The following NRG1 variants were observed in gnomAD, a reference collection of about 807,000 sequenced individuals.
NRG1 encodes neuregulin 1, also known as pro-neuregulin-1, membrane-bound isoform.
NRG1 carries 18 observed loss-of-function variants against 63.8 expected under a neutral mutation model. The ratio of observed to expected loss-of-function variants is 0.28; its 90% CI spans 0.19 to 0.42. The LOEUF (loss-of-function observed/expected upper bound fraction) is 0.42. Ranked by LOEUF, NRG1 falls within the 10% of genes least tolerant of loss-of-function variation. The pLI, the probability that NRG1 is intolerant of heterozygous loss-of-function variation, is 1.00. For synonymous variants in NRG1, 302 were observed against 301.3 expected (o/e 1.00, Z -0.02); for missense variants, 762 against 814.7 (o/e 0.94, Z 0.79).
intron 1 of NRG1, among the ~76,000 whole-genome samples, chr8:32,574,407 G>T (rs928026859): frequency 6.6e-6 from 1 of 152,090 alleles, no homozygotes; most frequent in Admixed American, 6.5e-5. Flanking sequence ...TCAGATCACT[G>T]TGTGGTATAG....
At chr8:32,598,389 T>C (rs538406999) in intron 2 of NRG1, among the ~76,000 whole-genome samples, 1 of 152,148 alleles carries the variant, frequency 6.6e-6, no homozygotes, top group South Asian at 2.1e-4. Context: ...GTGAACTGAC[T>C]AGAATGAATA....
At chr8:31,926,146 G>A (rs1415468816) in intron 1 of NRG1, among the ~76,000 whole-genome samples, 2 of 152,134 alleles carry the variant, frequency 1.3e-5, no homozygotes, top group Non-Finnish European at 2.9e-5. Flanking sequence ...GACGATTCAA[G>A]GTTTTATTCC....
At chr8:31,985,254 C>T (rs1809858428) in intron 1 of NRG1, among the ~76,000 whole-genome samples, 1 of 151,948 alleles carries the variant, frequency 6.6e-6, no homozygotes, top group Non-Finnish European at 1.5e-5. Context: ...GATTCTAGAC[C>T]AAGCACTTAA....
At chr8:32,203,365 C>G (rs1310796318) in intron 1 of NRG1, among the ~76,000 whole-genome samples, 7 of 151,318 alleles carry the variant, frequency 4.6e-5, no homozygotes, top group Non-Finnish European at 8.8e-5. Flanking sequence ...TTCTTTAGTT[C>G]TTATTTCATT....
intron 1 of NRG1, among the ~76,000 whole-genome samples, chr8:32,078,082 A>C (rs1258275545): frequency 6.6e-6 from 1 of 152,194 alleles, no homozygotes; most frequent in African/African-American, 2.4e-5. Context: ...AAACAACTTC[A>C]CATCCTCCTA....
At chr8:32,394,285 G>A (rs983092467) in intron 1 of NRG1, among the ~76,000 whole-genome samples, 16 of 152,122 alleles carry the variant, frequency 1.1e-4, no homozygotes, top group African/African-American at 3.4e-4. Context: ...TTATAAATCA[G>A]GAGAGACAAT....
intron 1 of NRG1, among the ~76,000 whole-genome samples, chr8:31,790,741 G>T (rs1307769406): frequency 6.6e-6 from 1 of 152,184 alleles, no homozygotes; most frequent in African/African-American, 2.4e-5. Context: ...CAAATATCTA[G>T]GGCTGGGCTA....
At chr8:32,692,827 T>C (rs1812156757) in intron 5 of NRG1, among the ~76,000 whole-genome samples, 2 of 152,138 alleles carry the variant, frequency 1.3e-5, no homozygotes, top group Admixed American at 1.3e-4. Flanking sequence ...ACACCCTCTT[T>C]CTCTACCTTC....
At chr8:31,889,463 A>G (rs1672703637) in intron 1 of NRG1, among the ~76,000 whole-genome samples, 1 of 152,190 alleles carries the variant, frequency 6.6e-6, no homozygotes, top group South Asian at 2.1e-4. Flanking sequence ...TACATTTCTG[A>G]ATATACTGAG....
intron 1 of NRG1, among the ~76,000 whole-genome samples, chr8:32,144,749 A>G (rs1585630659): frequency 1.3e-5 from 2 of 152,164 alleles, no homozygotes; most frequent in African/African-American, 4.8e-5. Context: ...AGTTCATTAC[A>G]CTTAAAATAG....
At chr8:32,738,714 G>A (rs1408075923) in intron 6 of NRG1, among the ~76,000 whole-genome samples, 1 of 152,156 alleles carries the variant, frequency 6.6e-6, no homozygotes, top group Non-Finnish European at 1.5e-5. Context: ...TAGATCAACT[G>A]GGTTTTCATT....
chr8:32,666,628 G>A (rs1441421902), intron 5 of NRG1, among the ~76,000 whole-genome samples: 6 of 152,126 alleles, frequency 3.9e-5, no homozygotes, highest in South Asian at 2.1e-4. Context: ...TTGATTCATC[G>A]TGGTAAAATA....
At chr8:32,377,689 T>C (rs1231297668) in intron 1 of NRG1, among the ~76,000 whole-genome samples, 1 of 152,212 alleles carries the variant, frequency 6.6e-6, no homozygotes, top group Non-Finnish European at 1.5e-5. Flanking sequence ...TTTTAAAGTG[T>C]TTATTTTCTT....
chr8:32,619,638 A>T (rs1847985804), intron 5 of NRG1, among the ~76,000 whole-genome samples: 2 of 152,192 alleles, frequency 1.3e-5, no homozygotes, highest in Admixed American at 1.3e-4. Flanking sequence ...TCCCTAACCA[A>T]TTCATTGTGA....
intron 1 of NRG1, among the ~76,000 whole-genome samples, chr8:32,259,264 A>G (rs537315306): frequency 6.6e-6 from 1 of 152,308 alleles, no homozygotes; most frequent in Non-Finnish European, 1.5e-5. Flanking sequence ...GTATTAGGAG[A>G]TGGGGCCTTT....
rs772149597 is a variant in NRG1 at position 32,759,289 on chromosome 8, T to C, written c.922-17T>C. On this transcript the variant is annotated splice_polypyrimidine_tract_variant and intron_variant, in intron 9 of 11. Transcript: ENST00000356819. ...AATCTACGTGAATCTTCAAGTTGTG[T>C]CTCTTTGTTTATCCAGCAATACGTA... 6.2e-7 allele frequency: 1 copy of C among 1,610,432 alleles called. No homozygotes were observed. Among genetic ancestry groups the C allele is most frequent in the South Asian group, 1.1e-5 (1 of 90,356 alleles).
intron 1 of NRG1, among the ~76,000 whole-genome samples, chr8:32,538,695 A>G (rs1237672709): frequency 6.6e-6 from 1 of 152,206 alleles, no homozygotes. Context: ...AAACCCTTCA[A>G]TGGCAGCCCA....
intron 1 of NRG1, among the ~76,000 whole-genome samples, chr8:32,524,193 G>A (rs992728485): frequency 1.3e-5 from 2 of 152,100 alleles, no homozygotes; most frequent in Non-Finnish European, 2.9e-5. Context: ...AGGCTGAGGT[G>A]GGAGGATTGC....
At chr8:32,608,963 G>A (rs1845816685) in intron 3 of NRG1, among the ~76,000 whole-genome samples, 1 of 152,142 alleles carries the variant, frequency 6.6e-6, no homozygotes, top group African/African-American at 2.4e-5. Flanking sequence ...GTTGATTGTT[G>A]CATATTCATT....
Sources: gnomAD v4.1 joint callset for allele counts (sites outside exome capture counted in the v4.1 genomes callset) on GRCh38, gnomAD v4.1.1 for gene constraint, MANE v1.5 for transcripts, NCBI Gene and HGNC (gene_info 2026-07-23, HGNC 2026-07-21) for gene names.